Variants in KLHL1 observed in about 807,000 individuals in gnomAD.
KLHL1 encodes kelch-like protein 1.
In KLHL1, 47 loss-of-function variants were observed where a neutral mutation model predicts 77.7. The observed-to-expected ratio is 0.60, with a 90% CI of 0.48 to 0.77. KLHL1 has a LOEUF of 0.77. Among genes scored for constraint, KLHL1 ranks in the 30% least tolerant of loss-of-function variants. The pLI is 0.00. For missense variants in KLHL1, 925 were observed against 910.8 expected (o/e 1.02, Z -0.20); for synonymous variants, 360 against 325.2 (o/e 1.11, Z -1.15).
chr13:69,714,835 C>T (rs985130014), intron 9 of KLHL1, among the ~76,000 whole-genome samples: 1 of 152,014 alleles, frequency 6.6e-6, no homozygotes, highest in Non-Finnish European at 1.5e-5. Flanking sequence ...CTCAAGCAAT[C>T]CACAGTTCTC....
At chr13:70,067,609 T>C (rs922542954) in intron 1 of KLHL1, among the ~76,000 whole-genome samples, 3 of 151,050 alleles carry the variant, frequency 2.0e-5, no homozygotes, top group Non-Finnish European at 4.4e-5. Context: ...GCGGTCTTAG[T>C]ACAGGGGCTC....
At chr13:70,031,397 GA>G (rs201508879) in intron 1 of KLHL1, among the ~76,000 whole-genome samples, 7 of 151,598 alleles carry the variant, frequency 4.6e-5, no homozygotes, top group East Asian at 1.9e-4. Flanking sequence ...CTCTGGATGA[GA>G]AAAAAAATAA....
chr13:70,058,170 A>C (rs549753735), intron 1 of KLHL1, among the ~76,000 whole-genome samples: 22 of 152,300 alleles, frequency 1.4e-4, no homozygotes, highest in Non-Finnish European at 1.5e-4. Context: ...TTCCTCTAAG[A>C]TCTGGAACAA....
intron 1 of KLHL1, among the ~76,000 whole-genome samples, chr13:70,035,020 GAATA>G (rs2137371538): frequency 6.6e-6 from 1 of 152,022 alleles, no homozygotes; most frequent in South Asian, 2.1e-4. Flanking sequence ...GGTACTTATA[GAATA>G]ATTAAGCACA....
intron 1 of KLHL1, among the ~76,000 whole-genome samples, chr13:69,991,392 G>GACA (rs952815552): frequency 8.6e-5 from 13 of 150,842 alleles, no homozygotes; most frequent in South Asian, 6.3e-4. Context: ...CAACAACAAT[G>GACA]ACAACAACAA....
At chr13:69,831,538 C>T (rs1466770173) in intron 6 of KLHL1, among the ~76,000 whole-genome samples, 1 of 149,794 alleles carries the variant, frequency 6.7e-6, no homozygotes, top group Non-Finnish European at 1.5e-5. Context: ...GAATTGGTAC[C>T]AATTCTATTG....
intron 3 of KLHL1, among the ~76,000 whole-genome samples, chr13:69,958,345 T>A (rs2137265633): frequency 6.6e-6 from 1 of 151,934 alleles, no homozygotes; most frequent in East Asian, 1.9e-4. Flanking sequence ...TTTTTTGGAC[T>A]ACAGGTAACA....
intron 6 of KLHL1, among the ~76,000 whole-genome samples, chr13:69,827,361 C>T (rs185289415): frequency 2.0e-4 from 31 of 151,864 alleles, no homozygotes; most frequent in South Asian, 4.2e-4. Flanking sequence ...TTCTAATCTT[C>T]AGTAAAATTC....
chr13:70,053,859 C>T (rs1464041308), intron 1 of KLHL1, among the ~76,000 whole-genome samples: 1 of 152,090 alleles, frequency 6.6e-6, no homozygotes, highest in East Asian at 1.9e-4. Context: ...CCAACCCCAA[C>T]CTGCCTACTC....
intron 1 of KLHL1, among the ~76,000 whole-genome samples, chr13:69,981,281 A>G (rs575525705): frequency 9.2e-5 from 14 of 152,270 alleles, no homozygotes; most frequent in South Asian, 6.2e-4. Flanking sequence ...AATAAATAAG[A>G]TATATTAATT....
rs1887928900 is a variant in KLHL1, at chr13:70,101,812, T to G, written c.497+5391A>C. On this transcript the variant is annotated intron_variant, in intron 1 of 10. Coordinates refer to ENST00000377844, the MANE Select transcript of KLHL1 (RefSeq NM_020866.3). ...AGGGTGCCTAGATATTGTGGACTCC[T>G]GGGTAGAACACCATGTAACGTTTAT... 2.0e-5 allele frequency among the ~76,000 whole-genome samples: 3 copies of G among 152,146 alleles called. No homozygotes were observed. The South Asian group carries it at 6.2e-4, about 32-fold the overall frequency.
chr13:69,764,929 C>CTTTTTTTATTTTTTTTTTTT (rs1875207754), intron 7 of KLHL1, among the ~76,000 whole-genome samples: 1 of 39,714 alleles, frequency 2.5e-5, no homozygotes. Flanking sequence ...TATATCTTTG[C>CTTTTTTTATTTTTTTTTTTT]TTTTTTTTTT....
Position 69,778,146 on chromosome 13 carries a change from C to T in KLHL1, c.1639+18592G>A, listed in dbSNP as rs541589131. Among the ~76,000 whole-genome samples the T allele has an allele frequency of 5.5e-4, 83 of 152,110 alleles. No individual in the cohort carries two copies. In the South Asian group the frequency reaches 0.017, roughly 31 times the overall value. ...TAAAATGCAGCCAAGGATGAGGTTG[C>T]TATAAAATTTGCAGATATTTGTTAT... On this transcript the variant is annotated intron_variant, in intron 7 of 10. Transcript: ENST00000377844.
At chr13:69,867,198 A>G (rs192989310) in intron 5 of KLHL1, among the ~76,000 whole-genome samples, 14 of 152,264 alleles carry the variant, frequency 9.2e-5, no homozygotes, top group African/African-American at 3.1e-4. Flanking sequence ...GTTTTCTTAT[A>G]TTATAAAGTA....
At chr13:70,068,698 T>C (rs1016738582) in intron 1 of KLHL1, among the ~76,000 whole-genome samples, 12 of 152,238 alleles carry the variant, frequency 7.9e-5, no homozygotes, top group Non-Finnish European at 1.6e-4. Context: ...TTAATTCTGA[T>C]ATGTTAGTTT....
chr13:69,741,625 C>T (rs1348856654), intron 7 of KLHL1, among the ~76,000 whole-genome samples: 4 of 152,122 alleles, frequency 2.6e-5, no homozygotes, highest in Non-Finnish European at 1.5e-5. Context: ...TACTGTTTCC[C>T]TTCTCTTGAT....
chr13:69,770,165 C>A (rs145949114), intron 7 of KLHL1, among the ~76,000 whole-genome samples: 2 of 152,196 alleles, frequency 1.3e-5, no homozygotes, highest in African/African-American at 2.4e-5. Context: ...TTTTTAGGCA[C>A]CACTGCATTC....
chr13:69,864,030 C>CA (rs1880274872), intron 5 of KLHL1, among the ~76,000 whole-genome samples: 1 of 151,752 alleles, frequency 6.6e-6, no homozygotes, highest in African/African-American at 2.4e-5. Context: ...AGATTTGTCT[C>CA]AAAAAACAGA....
At chr13:69,982,778 A>G (rs759682635) in intron 1 of KLHL1, among the ~76,000 whole-genome samples, 1 of 152,060 alleles carries the variant, frequency 6.6e-6, no homozygotes, top group Non-Finnish European at 1.5e-5. Flanking sequence ...ACAAAAAGGA[A>G]GAAAATACAA....
Sources: allele counts gnomAD v4.1 joint callset (sites outside exome capture counted in the v4.1 genomes callset), GRCh38; gene constraint gnomAD v4.1.1; transcripts MANE v1.5; gene names NCBI Gene and HGNC (gene_info 2026-07-23, HGNC 2026-07-21).